The following PDSS2 variants were observed in gnomAD, a reference collection of about 807,000 sequenced individuals.
PDSS2 encodes all trans-polyprenyl-diphosphate synthase PDSS2.
Under a neutral mutation model 44.5 loss-of-function variants are expected in PDSS2, and 31 were observed. The ratio of observed to expected loss-of-function variants is 0.70; its 90% confidence interval spans 0.52 to 0.94. PDSS2 has a LOEUF of 0.94. PDSS2 is among the 40% of genes least tolerant of loss of function. PDSS2 has a pLI of 0.00. For synonymous variants in PDSS2, 157 were observed against 180.3 expected, an observed-to-expected ratio of 0.87 and a Z score of 1.03; for missense variants, 452 against 482.2, an observed-to-expected ratio of 0.94 and a Z score of 0.59.
chr6:107,247,030 CT>C (rs926021976), intron 3 of PDSS2, among the ~76,000 whole-genome samples: 12 of 152,038 alleles, frequency 7.9e-5, no homozygotes, highest in Non-Finnish European at 1.8e-4. Flanking sequence ...TTTTTTCCCC[CT>C]GAAGGTATCA....
At chr6:107,324,813 T>C (rs543032259) in intron 2 of PDSS2, among the ~76,000 whole-genome samples, 1 of 152,314 alleles carries the variant, frequency 6.6e-6, no homozygotes, top group African/African-American at 2.4e-5. Flanking sequence ...CTTAAGATGT[T>C]TTTTGATTTG....
At chr6:107,267,718 TA>T (rs1174102564) in intron 3 of PDSS2, among the ~76,000 whole-genome samples, 1 of 151,512 alleles carries the variant, frequency 6.6e-6, no homozygotes, top group Non-Finnish European at 1.5e-5. Flanking sequence ...GCTGAGTAGC[TA>T]GGACTAACAG....
At chr6:107,269,351 TG>T (rs1457407261) in intron 3 of PDSS2, among the ~76,000 whole-genome samples, 61 of 151,420 alleles carry the variant, frequency 4.0e-4, no homozygotes, top group Non-Finnish European at 7.4e-4. Context: ...TGTGTGTGTG[TG>T]TGTGTGTGTG....
intron 6 of PDSS2, among the ~76,000 whole-genome samples, chr6:107,203,776 C>T (rs1201280792): frequency 1.3e-5 from 2 of 152,016 alleles, no homozygotes; most frequent in Non-Finnish European, 2.9e-5. Context: ...TTTTATTACC[C>T]CAGAAGGAGA....
chr6:107,156,076 G>T (rs1410701500), intron 7 of PDSS2, among the ~76,000 whole-genome samples: 1 of 151,302 alleles, frequency 6.6e-6, no homozygotes, highest in African/African-American at 2.4e-5. Context: ...TTTTGGTAGA[G>T]ATGGGGTTTT....
chr6:107,372,622 T>C (rs188645666), intron 1 of PDSS2, among the ~76,000 whole-genome samples: 1 of 152,020 alleles, frequency 6.6e-6, no homozygotes, highest in East Asian at 2.0e-4. Context: ...CGGCTAATTG[T>C]TTTGGATTTT....
rs146208928 is a variant in PDSS2, at chr6:107,157,430, C to T, written c.1042-2653G>A. On this transcript the variant is annotated intron_variant, in intron 7 of 7. Transcript: ENST00000369037. ...CAAACTCCTGGGCTCAAGAGATCCT[C>T]CTGCCTCAGCCTCCCAAACCTTCTC... Among the ~76,000 whole-genome samples, 9 of 152,254 alleles carry T rather than the reference C, an allele frequency of 5.9e-5. No individual in the cohort carries two copies. The East Asian group carries it at 1.7e-3, about 29-fold the overall frequency.
intron 4 of PDSS2, among the ~76,000 whole-genome samples, chr6:107,215,080 A>T (rs1773366722): frequency 6.6e-6 from 1 of 152,242 alleles, no homozygotes; most frequent in Non-Finnish European, 1.5e-5. Flanking sequence ...TATAAATTAT[A>T]ACATACTTAA....
At chr6:107,161,950 G>A (rs1047928203) in intron 7 of PDSS2, among the ~76,000 whole-genome samples, 3 of 152,106 alleles carry the variant, frequency 2.0e-5, no homozygotes, top group Non-Finnish European at 4.4e-5. Flanking sequence ...TCTCTTGGGG[G>A]ACAAAAGCCT....
chr6:107,416,807 A>T (rs1225568114), intron 1 of PDSS2, among the ~76,000 whole-genome samples: 1 of 152,252 alleles, frequency 6.6e-6, no homozygotes, highest in Non-Finnish European at 1.5e-5. Flanking sequence ...AAACCATTAA[A>T]GAAATAAAAC....
intron 1 of PDSS2, among the ~76,000 whole-genome samples, chr6:107,455,338 T>C (rs1335066224): frequency 6.6e-6 from 1 of 151,436 alleles, no homozygotes; most frequent in African/African-American, 2.4e-5. Flanking sequence ...CTTTTTAGCT[T>C]CACCCTTTTC....
At chr6:107,338,892 AT>A (rs143974680) in intron 1 of PDSS2, among the ~76,000 whole-genome samples, 15 of 150,658 alleles carry the variant, frequency 1.0e-4, no homozygotes, top group African/African-American at 2.2e-4. Flanking sequence ...GTAAGTATTA[AT>A]TTTTTTTTTC....
At chr6:107,354,698 C>A (rs1778540550) in intron 1 of PDSS2, among the ~76,000 whole-genome samples, 1 of 152,154 alleles carries the variant, frequency 6.6e-6, no homozygotes, top group Admixed American at 6.5e-5. Flanking sequence ...GGAAAACTGG[C>A]AGTCTTTTTC....
intron 4 of PDSS2, among the ~76,000 whole-genome samples, chr6:107,219,072 A>T (rs936974519): frequency 2.6e-5 from 4 of 151,708 alleles, no homozygotes; most frequent in Admixed American, 6.6e-5. Flanking sequence ...AAAAAAAAAA[A>T]TTAATTAAAA....
In PDSS2 at chr6:107,459,207, G is replaced by A. The variant is rs755671694; in HGVS notation, c.79C>T (p.Pro27Ser). The A allele has an allele frequency of 1.9e-6, 3 of 1,613,984 alleles. No individual in the cohort carries two copies. Among genetic ancestry groups the A allele is most frequent in the East Asian group, 2.2e-5 (1 of 44,876 alleles). ...SGSPRRLWWS[P>S]SLDTISSVGS... ...ACCGAGGAGATGGTGTCGAGGGACGGGGACCACCACAGGCGACGCGGGGAA... is the reference window on the plus strand; with the variant it reads ...ACCGAGGAGATGGTGTCGAGGGACGAGGACCACCACAGGCGACGCGGGGAA... The change falls in exon 1 of 8, where the codon CCG (proline) becomes TCG (serine). Residue 27 changes from proline (P) to serine (S), a missense_variant. Pro to Ser is a moderately conservative substitution (Grantham distance 74). Coordinates refer to ENST00000369037, the MANE Select transcript of PDSS2 (RefSeq NM_020381.4). This position sits in a 1 kb window ranked among gnomAD's most constrained non-coding sequence, Gnocchi z 4.3.
chr6:107,434,595 G>A (rs1372091441), intron 1 of PDSS2, among the ~76,000 whole-genome samples: 4 of 152,118 alleles, frequency 2.6e-5, no homozygotes, highest in African/African-American at 9.7e-5. Flanking sequence ...AGTTACCAGA[G>A]GCTGGGAAGC....
intron 2 of PDSS2, among the ~76,000 whole-genome samples, chr6:107,320,961 C>T (rs1777363196): frequency 6.6e-6 from 1 of 152,170 alleles, no homozygotes; most frequent in Non-Finnish European, 1.5e-5. Flanking sequence ...AAACTCAACT[C>T]TGTGATTTTC....
chr6:107,241,678 C>A (rs909567303), intron 4 of PDSS2, among the ~76,000 whole-genome samples: 9 of 152,150 alleles, frequency 5.9e-5, no homozygotes, highest in African/African-American at 2.2e-4. Flanking sequence ...AAGGTGACTT[C>A]TAATGTATCC....
chr6:107,270,061 G>A (rs923824253), intron 3 of PDSS2, among the ~76,000 whole-genome samples: 2 of 152,060 alleles, frequency 1.3e-5, no homozygotes, highest in South Asian at 2.1e-4. Context: ...TCTGATCAAC[G>A]ACAGACAACA....
Sources: gnomAD v4.1 joint callset for allele counts (sites outside exome capture counted in the v4.1 genomes callset) on GRCh38, gnomAD v4.1.1 for gene constraint, Gnocchi (gnomAD v3.1) non-coding constraint, MANE v1.5 for transcripts, NCBI Gene and HGNC (gene_info 2026-07-23, HGNC 2026-07-21) for gene names.